The following SV2C variants were observed in gnomAD, a reference collection of about 807,000 sequenced individuals.
SV2C encodes solute carrier family 22 member B3.
Under a neutral mutation model 79.7 loss-of-function variants are expected in SV2C, and 49 were observed. That is an observed-to-expected ratio of 0.61 (90% CI 0.49 to 0.78). The LOEUF (loss-of-function observed/expected upper bound fraction) is 0.78, where lower values mean the gene tolerates loss of function less well. Among genes scored for constraint, SV2C ranks in the 30% least tolerant of loss-of-function variants. SV2C has a pLI of 0.00. For synonymous variants in SV2C, 334 were observed against 333.2 expected (o/e 1.00, Z -0.03); for missense variants, 833 against 912.9 (o/e 0.91, Z 1.13).
Position 76,295,868 on chromosome 5 carries a change from T to C in SV2C, c.1428T>C (p.Asp476=), listed in dbSNP as rs1472534124. 1 of 1,613,584 alleles carries C rather than the reference T, an allele frequency of 6.2e-7. No homozygotes were observed. Among genetic ancestry groups the C allele is most frequent in the Non-Finnish European group, 8.5e-7 (1 of 1,179,726 alleles). Residue 476 remains aspartate (D), a synonymous_variant, in exon 9 of 13, where the codon GAT becomes GAC. Transcript: ENST00000502798. ...TGCTAACCAGAAATGTGGAGAGAGA[T>C]AAATATGCAAATTTCACTATTAACT... ...YALLTRNVER[D]KYANFTINFT...
At chr5:75,993,505 A>G in the SV2C span, among the ~76,000 whole-genome samples, 3 of 152,092 alleles carry the variant, frequency 2.0e-5, no homozygotes, top group Non-Finnish European at 4.4e-5. Flanking sequence ...GGTAAGAAAA[A>G]TAACTCCCAC....
chr5:76,320,187 G>GTCTT (rs1486777161), intron 12 of SV2C, among the ~76,000 whole-genome samples: 2 of 146,242 alleles, frequency 1.4e-5, no homozygotes, highest in Admixed American at 1.4e-4. Context: ...AAAGAAGTCA[G>GTCTT]TCTTTAAAAA....
In SV2C at chr5:76,307,465, T is replaced by G. The variant is rs537004175; in HGVS notation, c.2000+5920T>G. Reference sequence around the variant, plus strand: ...ATCACCTGTTTTTTGGAAAACTGGCTCTTTTCAAAGTTCAATTTGATTAGG... The same window carrying G: ...ATCACCTGTTTTTTGGAAAACTGGCGCTTTTCAAAGTTCAATTTGATTAGG... On this transcript the variant is annotated intron_variant, in intron 12 of 12. Coordinates refer to ENST00000502798, the MANE Select transcript of SV2C (RefSeq NM_014979.4). 6.0e-5 allele frequency among the ~76,000 whole-genome samples: 9 copies of G among 150,066 alleles called. 1 individual carries two copies. In the South Asian group the frequency reaches 1.9e-3, roughly 31 times the overall value.
intron 4 of SV2C, among the ~76,000 whole-genome samples, chr5:76,273,370 G>A (rs1222609776): frequency 1.3e-5 from 2 of 151,778 alleles, no homozygotes; most frequent in East Asian, 1.9e-4. Context: ...TGGAGTTTGG[G>A]AAGCACCATG....
chr5:76,197,889 C>T (rs1744320836), intron 3 of SV2C, among the ~76,000 whole-genome samples: 1 of 152,188 alleles, frequency 6.6e-6, no homozygotes. Flanking sequence ...GATAATATAA[C>T]TCTCATTCCA....
At chr5:75,897,118 GTGTTTTAGA>G in the SV2C span, among the ~76,000 whole-genome samples, 10 of 149,208 alleles carry the variant, frequency 6.7e-5, no homozygotes, top group Non-Finnish European at 1.3e-4. Context: ...ATTGCTTTTG[GTGTTTTAGA>G]CATGAAGTCC....
chr5:76,349,976 C>A (rs927852156), intron 12 of SV2C, among the ~76,000 whole-genome samples: 1 of 152,186 alleles, frequency 6.6e-6, no homozygotes, highest in Non-Finnish European at 1.5e-5. Context: ...ACAACAGAAA[C>A]CAACTTCATG....
the SV2C span, among the ~76,000 whole-genome samples, chr5:76,027,296 A>G: frequency 6.6e-6 from 1 of 152,044 alleles, no homozygotes; most frequent in African/African-American, 2.4e-5. Flanking sequence ...TCCTGACCTC[A>G]GGTGATCCAC....
At chr5:76,019,653 A>G in the SV2C span, among the ~76,000 whole-genome samples, 24 of 152,110 alleles carry the variant, frequency 1.6e-4, no homozygotes, top group African/African-American at 5.8e-4. Context: ...TAATTGGTGA[A>G]AAAACCCAAG....
the SV2C span, among the ~76,000 whole-genome samples, chr5:75,995,071 C>T: frequency 2.1e-5 from 2 of 93,718 alleles, no homozygotes; most frequent in African/African-American, 4.9e-5. Context: ...GCAAATTTAC[C>T]TCTTCTCTGC....
At chr5:76,222,164 G>A (rs1156768614) in intron 4 of SV2C, among the ~76,000 whole-genome samples, 1 of 152,158 alleles carries the variant, frequency 6.6e-6, no homozygotes, top group Non-Finnish European at 1.5e-5. Context: ...ACTCCTGGGT[G>A]TTTATCCCAG....
chr5:75,881,036 G>A, the SV2C span, among the ~76,000 whole-genome samples: 11 of 152,078 alleles, frequency 7.2e-5, no homozygotes, highest in African/African-American at 2.7e-4. Context: ...TGAGTGGAGA[G>A]GTGCCACACA....
At chr5:76,058,243 G>A in the SV2C span, among the ~76,000 whole-genome samples, 1 of 152,088 alleles carries the variant, frequency 6.6e-6, no homozygotes, top group Non-Finnish European at 1.5e-5. Context: ...AAACGACCAT[G>A]AATAACTCAG....
the SV2C span, among the ~76,000 whole-genome samples, chr5:75,850,911 G>A: frequency 2.6e-5 from 4 of 152,056 alleles, no homozygotes; most frequent in Admixed American, 6.5e-5. Flanking sequence ...TTGATAAGTC[G>A]GGCATAGGAA....
chr5:75,917,307 CAT>C, the SV2C span, among the ~76,000 whole-genome samples: 1 of 152,304 alleles, frequency 6.6e-6, no homozygotes, highest in East Asian at 1.9e-4. Flanking sequence ...ACCTGACAGG[CAT>C]GTGTAGCATT....
chr5:76,229,396 A>T (rs1202156597), intron 4 of SV2C, among the ~76,000 whole-genome samples: 1 of 152,216 alleles, frequency 6.6e-6, no homozygotes, highest in Non-Finnish European at 1.5e-5. Context: ...AGTAAAATGG[A>T]TGCGATGAAC....
the SV2C span, among the ~76,000 whole-genome samples, chr5:76,009,650 CAAG>C: frequency 6.6e-6 from 1 of 152,050 alleles, no homozygotes; most frequent in Non-Finnish European, 1.5e-5. Context: ...CAAATTAATT[CAAG>C]AAAAGAAAAC....
upstream of SV2C, among the ~76,000 whole-genome samples, chr5:76,082,592 T>G (rs1037954523): frequency 6.0e-5 from 9 of 150,314 alleles, no homozygotes; most frequent in Middle Eastern, 3.2e-3. Context: ...TCTTTCTTTC[T>G]TTCTTCCTCC....
intron 12 of SV2C, among the ~76,000 whole-genome samples, chr5:76,303,162 G>C (rs1269608273): frequency 2.6e-5 from 4 of 152,110 alleles, no homozygotes; most frequent in Non-Finnish European, 5.9e-5. Flanking sequence ...CAGACCCTCA[G>C]TGACCCACCT....
Sources: allele counts gnomAD v4.1 joint callset (sites outside exome capture counted in the v4.1 genomes callset), GRCh38; gene constraint gnomAD v4.1.1; transcripts MANE v1.5; gene names NCBI Gene and HGNC (gene_info 2026-07-23, HGNC 2026-07-21).